POTEH: variants seen among roughly 807,000 people sequenced by gnomAD.
POTEH encodes POTE ankyrin domain family member H, also known as ANKRD26-like family C member 3.
Under a neutral mutation model 41.7 loss-of-function variants are expected in POTEH, and 6 were observed. That is an observed-to-expected ratio of 0.14 (90% CI 0.08 to 0.28). The LOEUF (loss-of-function observed/expected upper bound fraction) is 0.28, where lower values mean the gene tolerates loss of function less well. Ranked by LOEUF, POTEH falls within the 10% of genes least tolerant of loss-of-function variation. The pLI is 1.00. For missense variants in POTEH, 115 were observed against 533.5 expected (o/e 0.22, Z 7.73); for synonymous variants, 38 against 179.9 (o/e 0.21, Z 6.31).
In POTEH at chr22:15,690,055, C is replaced by T. The variant is rs199708248; in HGVS notation, c.-23C>T. On this transcript the variant is annotated 5_prime_UTR_variant, in exon 1 of 11. Coordinates refer to ENST00000343518, the MANE Select transcript of POTEH (RefSeq NM_001136213.1). Reference sequence around the variant, plus strand: ...GACGCGATCTGCTGGCTACTACCGGCCTTCCCTGGCTGTTAAAAGCAGATG... The same window carrying T: ...GACGCGATCTGCTGGCTACTACCGGTCTTCCCTGGCTGTTAAAAGCAGATG... 2.6e-5 allele frequency: 36 copies of T among 1,397,814 alleles called. No individual in the cohort carries two copies. In the Admixed American group the frequency reaches 6.9e-4, roughly 27 times the overall value. 86.6% of individuals were successfully genotyped at this position (1,397,814 alleles called of 1,614,324 possible). A position where few individuals can be genotyped will look rare whatever the true frequency, so the allele number is the denominator to read the frequency against.
chr22:15,710,214 C>A (rs1334305140), intron 8 of POTEH, among the ~76,000 whole-genome samples: 2 of 152,292 alleles, frequency 1.3e-5, no homozygotes, highest in African/African-American at 4.8e-5. Flanking sequence ...ATTTGGGGAG[C>A]AACTCATTTT....
chr22:15,693,110 C>T (rs1397287138), intron 1 of POTEH, among the ~76,000 whole-genome samples: 2 of 127,468 alleles, frequency 1.6e-5, no homozygotes, highest in African/African-American at 2.8e-5. Context: ...ATGTACCTTG[C>T]TATAGCAAGT....
rs1317836592 is a variant in POTEH, at chr22:15,712,770, T to A, written c.1520+1736T>A. Among the ~76,000 whole-genome samples the A allele has an allele frequency of 4.7e-5, 6 of 127,452 alleles. No homozygotes were observed. In the South Asian group the frequency reaches 1.6e-3, roughly 34 times the overall value. 83.6% of individuals were successfully genotyped at this position (127,452 alleles called of 152,430 possible). A position where few individuals can be genotyped will look rare whatever the true frequency, so the allele number is the denominator to read the frequency against. On this transcript the variant is annotated intron_variant, in intron 9 of 10. Coordinates refer to ENST00000343518, the MANE Select transcript of POTEH (RefSeq NM_001136213.1). Reference sequence around the variant, plus strand: ...AACTCAGTATTTTACTGTGATCAATTACTTTGTATATTTGATGAGTGTCAA... The same window carrying A: ...AACTCAGTATTTTACTGTGATCAATAACTTTGTATATTTGATGAGTGTCAA...
Position 15,690,278 on chromosome 22 carries a change from C to T in POTEH, c.201C>T (p.His67=). 1.4e-6 allele frequency: 2 copies of T among 1,414,286 alleles called. No individual in the cohort carries two copies. The highest frequency in any genetic ancestry group is 2.0e-6 in the Non-Finnish European group (2 of 1,023,560). The allele number at this position is 1,414,286 out of a possible 1,614,324, so 87.6% of individuals were successfully genotyped here. Residue 67 remains histidine (H), a synonymous_variant, in exon 1 of 11, where the codon CAC becomes CAT. Coordinates refer to ENST00000343518, the MANE Select transcript of POTEH (RefSeq NM_001136213.1). ...LRSKMGKWCC[H]CFPWCRGSGK... is the part of the protein sequence containing the mutation. ...GCAAGATGGGCAAGTGGTGCTGCCA[C>T]TGCTTCCCCTGGTGCAGGGGGAGCG...
Position 15,696,403 on chromosome 22 carries a change from GTGT to G in POTEH, c.921+599_921+601del, listed in dbSNP as rs561110988. On this transcript the variant is annotated intron_variant, in intron 3 of 10. Transcript: ENST00000343518. ...ACCATGAAGAGGTTGTGTGTGTGTGGTGTTGTTGTTGTTGTTCATTTATTTATT... is the reference window on the plus strand; with the variant it reads ...ACCATGAAGAGGTTGTGTGTGTGTGGTGTTGTTGTTGTTCATTTATTTATT... Among the ~76,000 whole-genome samples the G allele has an allele frequency of 2.6e-3, 379 of 146,938 alleles. 12 individuals carry two copies. Among genetic ancestry groups the G allele is most frequent in the Non-Finnish European group, 4.1e-3 (273 of 67,238 alleles).
At chr22:15,711,364 T>C (rs1347637923) in intron 9 of POTEH, among the ~76,000 whole-genome samples, 1 of 152,026 alleles carries the variant, frequency 6.6e-6, no homozygotes, top group Non-Finnish European at 1.5e-5. Flanking sequence ...ATAAGCAAAA[T>C]ACTCGAATGG....
intron 4 of POTEH, 116 bp from the exon 5 acceptor site, chr22:15,699,961 CT>C (rs1227460065): frequency 7.1e-7 from 1 of 1,403,016 alleles, no homozygotes; most frequent in Admixed American, 2.8e-5. Flanking sequence ...ATGCTTATGT[CT>C]TTTAGTGCAT....
intron 7 of POTEH, among the ~76,000 whole-genome samples, chr22:15,708,513 CAAAAAAAA>C (rs1165699401): frequency 4.1e-4 from 3 of 7,238 alleles, no homozygotes; most frequent in African/African-American, 9.1e-4. Context: ...GACTCTGTGT[CAAAAAAAA>C]AAAAAAAAAA....
Position 15,691,175 on chromosome 22 carries a change from C to A in POTEH, c.632+466C>A, listed in dbSNP as rs560039488. Among the ~76,000 whole-genome samples the A allele has an allele frequency of 7.6e-4, 106 of 139,168 alleles. 1 individual carries two copies. The highest frequency in any genetic ancestry group is 2.6e-3 in the African/African-American group (101 of 38,634). 91.3% of individuals were successfully genotyped at this position (139,168 alleles called of 152,430 possible). The stretch of plus-strand genomic sequence containing the variant: ...TTTACTGAGTAATCTTAGAAGGAAA[C>A]TGAAATGGGAAGATGGTTCTTGTGC... On this transcript the variant is annotated intron_variant, in intron 1 of 10. Coordinates refer to ENST00000343518, the MANE Select transcript of POTEH (RefSeq NM_001136213.1).
chr22:15,714,434 C>T (rs1480261739), intron 9 of POTEH, among the ~76,000 whole-genome samples: 36 of 152,126 alleles, frequency 2.4e-4, no homozygotes, highest in African/African-American at 8.7e-4. Context: ...GGCATGTTAT[C>T]TCTCCTGCTT....
At chr22:15,717,741 A>C (rs2465688) in intron 9 of POTEH, among the ~76,000 whole-genome samples, 1 of 152,256 alleles carries the variant, frequency 6.6e-6, no homozygotes, top group African/African-American at 2.4e-5. Flanking sequence ...TTCCCATTGT[A>C]TAGGTTGTTG....
Position 15,717,259 on chromosome 22 carries a change from T to C in POTEH, c.1521-2401T>C. On this transcript the variant is annotated intron_variant, in intron 9 of 10. Coordinates refer to ENST00000343518, the MANE Select transcript of POTEH (RefSeq NM_001136213.1). ...TGTGAATTGTGCTGCAGTAAACATA[T>C]GTGTGCGGGTGTCTTTGTGAGAGTA... 2.2e-5 allele frequency among the ~76,000 whole-genome samples: 2 copies of C among 91,904 alleles called. 1 individual carries two copies. Among genetic ancestry groups the C allele is most frequent in the Admixed American group, 2.5e-4 (2 of 7,876 alleles). 60.3% of individuals were successfully genotyped at this position (91,904 alleles called of 152,430 possible).
At chr22:15,691,810 A>T (rs899950724) in intron 1 of POTEH, among the ~76,000 whole-genome samples, 4 of 149,226 alleles carry the variant, frequency 2.7e-5, no homozygotes, top group African/African-American at 4.9e-5. Flanking sequence ...TTAGCGCTTG[A>T]TAATGGTGAT....
intron 1 of POTEH, among the ~76,000 whole-genome samples, chr22:15,691,883 TG>T (rs1270899799): frequency 6.7e-6 from 1 of 148,582 alleles, no homozygotes; most frequent in African/African-American, 2.4e-5. Context: ...ACTAGCTAGA[TG>T]TTTATATCAC....
At position 15,696,815 on chromosome 22, in the gene POTEH, C is replaced by A. The variant is rs2212148; in HGVS notation, c.921+997C>A. Among the ~76,000 whole-genome samples the A allele has an allele frequency of 2.3e-5, 3 of 132,782 alleles. 1 individual carries two copies. Among genetic ancestry groups the A allele is most frequent in the African/African-American group, 8.3e-5 (3 of 36,078 alleles). 87.1% of individuals were successfully genotyped at this position (132,782 alleles called of 152,430 possible). ...TCAGCAAATGGGTCTCTCTCCTACT[C>A]TTTACTCTTTTTGGCCAAATCTTCA... On this transcript the variant is annotated intron_variant, in intron 3 of 10. Coordinates refer to ENST00000343518, the MANE Select transcript of POTEH (RefSeq NM_001136213.1).
At chr22:15,713,967 T>A (rs1989876192) in intron 9 of POTEH, among the ~76,000 whole-genome samples, 1 of 152,152 alleles carries the variant, frequency 6.6e-6, no homozygotes, top group African/African-American at 2.4e-5. Flanking sequence ...CTGTTGAGTA[T>A]CACACACTTG....
At chr22:15,690,827 G>T in intron 1 of POTEH, 118 bp downstream of exon 1, 2 of 1,300,948 alleles carry the variant, frequency 1.5e-6, no homozygotes, top group South Asian at 2.6e-5. Flanking sequence ...CACCACCCTG[G>T]ATGTGGAAAC....
At chr22:15,692,899 AT>A (rs1306074120) in intron 1 of POTEH, among the ~76,000 whole-genome samples, 3 of 127,236 alleles carry the variant, frequency 2.4e-5, no homozygotes, top group Non-Finnish European at 5.4e-5. Flanking sequence ...TAAAAATGTT[AT>A]GCTTTTTACT....
At chr22:15,691,780 A>G (rs1334243851) in intron 1 of POTEH, among the ~76,000 whole-genome samples, 2 of 148,784 alleles carry the variant, frequency 1.3e-5, no homozygotes, top group African/African-American at 4.9e-5. Flanking sequence ...ATTTAGAAAT[A>G]CCGAAATATA....
Sources: gnomAD v4.1 joint callset for allele counts (sites outside exome capture counted in the v4.1 genomes callset) on GRCh38, gnomAD v4.1.1 for gene constraint, MANE v1.5 for transcripts, NCBI Gene and HGNC (gene_info 2026-07-23, HGNC 2026-07-21) for gene names.